The following CUBN variants were observed in gnomAD, a reference collection of about 807,000 sequenced individuals.
CUBN encodes 460 kDa receptor.
CUBN carries 282 observed loss-of-function variants against 405.3 expected under a neutral mutation model. The ratio of observed to expected loss-of-function variants is 0.70; its 90% CI spans 0.63 to 0.77. The LOEUF is 0.77. CUBN is among the 30% of genes least tolerant of loss of function. The pLI, the probability that CUBN is intolerant of heterozygous loss-of-function variation, is 0.00. For missense variants in CUBN, 4,514 were observed against 4,475.2 expected (o/e 1.01, Z -0.25); for synonymous variants, 1,684 against 1,617.0 (o/e 1.04, Z -0.99).
chr10:17,056,539 T>TTGGAGTGAG (rs1835400419), intron 22 of CUBN, among the ~76,000 whole-genome samples: 1 of 150,564 alleles, frequency 6.6e-6, no homozygotes, highest in African/African-American at 2.4e-5. Context: ...AACCCGGGAG[T>TTGGAGTGAG]CGGAGCTTGC....
At chr10:16,897,341 A>G (rs780335279) in intron 54 of CUBN, among the ~76,000 whole-genome samples, 4 of 152,136 alleles carry the variant, frequency 2.6e-5, no homozygotes, top group Non-Finnish European at 5.9e-5. Flanking sequence ...TTTGTGGGTT[A>G]CAGTTCCAGT....
At chr10:16,901,283 A>T in intron 52 of CUBN, 55 bp downstream of exon 52, 1 of 1,612,606 alleles carries the variant, frequency 6.2e-7, no homozygotes, top group Non-Finnish European at 8.5e-7. Context: ...CATGCAGGAC[A>T]GGCTATTGTG....
intron 10 of CUBN, among the ~76,000 whole-genome samples, chr10:17,106,749 A>G (rs543741348): frequency 2.0e-4 from 30 of 152,292 alleles, no homozygotes; most frequent in Admixed American, 7.2e-4. Context: ...CCTCGTGTGT[A>G]GGCTGCCTAC....
chr10:16,977,392 T>C (rs1833130257), intron 31 of CUBN, among the ~76,000 whole-genome samples: 1 of 152,042 alleles, frequency 6.6e-6, no homozygotes, highest in Non-Finnish European at 1.5e-5. Flanking sequence ...AGAAGAGCAG[T>C]ACAGCAGAGA....
Position 16,913,963 on chromosome 10 carries a change from C to T in CUBN, c.7381G>A (p.Gly2461Arg). Reference sequence around the variant, plus strand: ...GGGTAGTTGGGAGAAGTAAATGTTCCAATAGAGCCCTGAAGATCCCCACCA... The same window carrying T: ...GGGTAGTTGGGAGAAGTAAATGTTCTAATAGAGCCCTGAAGATCCCCACCA... ...ECGGDLQGSI[G>R]TFTSPNYPNP... The change falls in exon 48 of 67, where the codon GGA becomes AGA. Residue 2461 changes from glycine (G) to arginine (R), a missense_variant. This residue lies in a region of CUBN where 1,613 missense variants were observed against 1,542.8 expected (regional missense o/e 1.05). Transcript: ENST00000377833. The T allele has an allele frequency of 6.2e-7, 1 of 1,613,986 alleles. No homozygotes were observed. The highest frequency in any genetic ancestry group is 8.5e-7 in the Non-Finnish European group (1 of 1,180,010).
At chr10:17,011,326 A>C (rs998751668) in intron 28 of CUBN, among the ~76,000 whole-genome samples, 1 of 152,270 alleles carries the variant, frequency 6.6e-6, no homozygotes, top group East Asian at 1.9e-4. Context: ...ATGTGTCCGC[A>C]GTTTCGTCCT....
intron 59 of CUBN, among the ~76,000 whole-genome samples, chr10:16,862,196 C>A (rs1840040485): frequency 1.0e-5 from 1 of 99,084 alleles, no homozygotes; most frequent in South Asian, 3.8e-4. Flanking sequence ...ACACACACAT[C>A]ACATCCCTGG....
intron 28 of CUBN, among the ~76,000 whole-genome samples, chr10:17,006,345 A>C (rs1408032007): frequency 6.6e-6 from 1 of 152,214 alleles, no homozygotes; most frequent in African/African-American, 2.4e-5. Flanking sequence ...GGCTGGGTCC[A>C]GCAGATCTTC....
rs201939489 is a variant in CUBN, at chr10:16,982,644, C to T, written c.4535G>A (p.Gly1512Glu). 5 of 1,612,738 alleles carry T rather than the reference C, an allele frequency of 3.1e-6. No individual in the cohort carries two copies. The East Asian group carries it at 8.9e-5, about 29-fold the overall frequency. ...CTCTCCACTGGGAGCCTGGAAAATC[C>T]CACCACAACCTGGAAGTGGGGAACA... Reference protein sequence around the residue: ...SWQAVTGGCGGIFQAPSGEIH... With the variant: ...SWQAVTGGCGEIFQAPSGEIH... The change falls in exon 31 of 67, where the codon GGG becomes GAG. Residue 1512 changes from glycine (G) to glutamate (E), a missense_variant. Gly to Glu is a moderately conservative substitution (Grantham distance 98). This residue lies in a region of CUBN where 1,613 missense variants were observed against 1,542.8 expected (regional missense o/e 1.05). Coordinates refer to ENST00000377833, the MANE Select transcript of CUBN (RefSeq NM_001081.4).
intron 62 of CUBN, 60 bp from the exon 63 acceptor site, chr10:16,836,442 A>G (rs1286566371): frequency 6.7e-7 from 1 of 1,488,206 alleles, no homozygotes; most frequent in African/African-American, 1.4e-5. Flanking sequence ...ACAGGCCATA[A>G]CAGAAATTAG....
chr10:17,103,738 G>C (rs1836554343), intron 12 of CUBN, among the ~76,000 whole-genome samples: 1 of 152,220 alleles, frequency 6.6e-6, no homozygotes, highest in Non-Finnish European at 1.5e-5. Flanking sequence ...AGGGGCAGAA[G>C]AGTCAAAAGT....
At chr10:16,886,419 G>A (rs1482675285) in intron 56 of CUBN, among the ~76,000 whole-genome samples, 4 of 152,162 alleles carry the variant, frequency 2.6e-5, no homozygotes, top group African/African-American at 7.2e-5. Flanking sequence ...CGAATATACC[G>A]AGGTAGCTTG....
At chr10:16,867,680 A>C (rs1840226389) in intron 59 of CUBN, among the ~76,000 whole-genome samples, 1 of 152,204 alleles carries the variant, frequency 6.6e-6, no homozygotes, top group Admixed American at 6.5e-5. Context: ...TCTCCACTTA[A>C]ACCTTTTCCC....
intron 59 of CUBN, among the ~76,000 whole-genome samples, chr10:16,866,571 T>C (rs1306764868): frequency 6.6e-6 from 1 of 152,222 alleles, no homozygotes; most frequent in Non-Finnish European, 1.5e-5. Context: ...TATAGGAGCA[T>C]AGAAGCCATT....
intron 43 of CUBN, among the ~76,000 whole-genome samples, chr10:16,920,437 T>C (rs528927787): frequency 1.3e-5 from 2 of 152,168 alleles, no homozygotes; most frequent in Non-Finnish European, 2.9e-5. Flanking sequence ...CACAGAAGCA[T>C]GAATAAATAT....
intron 13 of CUBN, among the ~76,000 whole-genome samples, chr10:17,101,505 AAAAATGTTTTTTG>A (rs1836492315): frequency 6.6e-6 from 1 of 152,208 alleles, no homozygotes; most frequent in African/African-American, 2.4e-5. Flanking sequence ...CAAAGGAAAA[AAAAATGTTTTTTG>A]ACCCTTGTAC....
chr10:16,859,487 A>C (rs1375802353), intron 59 of CUBN, among the ~76,000 whole-genome samples: 1 of 152,174 alleles, frequency 6.6e-6, no homozygotes, highest in Non-Finnish European at 1.5e-5. Flanking sequence ...CAATGAGATG[A>C]CCAGGGGAGG....
intron 40 of CUBN, among the ~76,000 whole-genome samples, chr10:16,931,477 A>G (rs1037925803): frequency 6.6e-6 from 1 of 152,200 alleles, no homozygotes; most frequent in Non-Finnish European, 1.5e-5. Context: ...AACCACTTTA[A>G]AACATTTGTG....
chr10:17,000,589 A>C (rs1833850325), intron 28 of CUBN, among the ~76,000 whole-genome samples: 1 of 152,224 alleles, frequency 6.6e-6, no homozygotes, highest in Middle Eastern at 3.2e-3. Context: ...AAAATTACCT[A>C]CTATAAGCTC....
Sources: gnomAD v4.1 joint callset for allele counts (sites outside exome capture counted in the v4.1 genomes callset) on GRCh38, gnomAD v4.1.1 for gene constraint, gnomAD v4.1.1 regional missense constraint, MANE v1.5 for transcripts, NCBI Gene and HGNC (gene_info 2026-07-23, HGNC 2026-07-21) for gene names.